ZNF765: variants seen among roughly 807,000 people sequenced by gnomAD.
ZNF765 encodes the protein zinc finger protein 765.
ZNF765 carries 37 observed loss-of-function variants against 44.7 expected under a neutral mutation model. The observed-to-expected ratio is 0.83, with a 90% CI of 0.64 to 1.09. The LOEUF is 1.09. Among genes scored for constraint, ZNF765 ranks in the 50% least tolerant of loss-of-function variants. ZNF765 has a pLI of 0.00. For missense variants in ZNF765, 594 were observed against 626.1 expected, an observed-to-expected ratio of 0.95 and a Z score of 0.55; for synonymous variants, 201 against 213.7, an observed-to-expected ratio of 0.94 and a Z score of 0.52.
At position 53,395,186 on chromosome 19, in the gene ZNF765, C is replaced by T. The variant is rs1400351109; in HGVS notation, c.-81C>T. On this transcript the variant is annotated 5_prime_UTR_variant, in exon 1 of 4. Coordinates refer to ENST00000396408, the MANE Select transcript of ZNF765 (RefSeq NM_001040185.3). ...GGACGGCGTGGAGTGACTATCCCAC[C>T]GCCGCGGGTGAGTTTCGCTCTGTTT... 3 of 152,406 alleles carry T rather than the reference C, an allele frequency of 2.0e-5. No homozygotes were observed. Among genetic ancestry groups the T allele is most frequent in the African/African-American group, 7.2e-5 (3 of 41,474 alleles). 9.4% of individuals were successfully genotyped at this position (152,406 alleles called of 1,614,324 possible). A position where few individuals can be genotyped will look rare whatever the true frequency, so the allele number is the denominator to read the frequency against.
chr19:53,406,787 T>C (rs1457571075), intron 3 of ZNF765, among the ~76,000 whole-genome samples: 5 of 152,100 alleles, frequency 3.3e-5, no homozygotes, highest in Admixed American at 2.0e-4. Context: ...TGGTAGTGTG[T>C]GCGTGTAATC....
At chr19:53,398,878 T>C (rs1314916177) in intron 2 of ZNF765, among the ~76,000 whole-genome samples, 1 of 151,832 alleles carries the variant, frequency 6.6e-6, no homozygotes, top group Non-Finnish European at 1.5e-5. Context: ...GCCTCCCGAG[T>C]AGCTGGGATT....
At position 53,407,747 on chromosome 19, in the gene ZNF765, C is replaced by G; in HGVS notation, c.192C>G (p.Gly64=). Residue 64 remains glycine, a synonymous_variant, in exon 4 of 4, where the codon GGC becomes GGG. Transcript: ENST00000396408. ...AGGAGTTCTCGTCAACAGCACAAGGCAATAGAGAAGTGTTCCATGCAGGGA... is the reference window on the plus strand; with the variant it reads ...AGGAGTTCTCGTCAACAGCACAAGGGAATAGAGAAGTGTTCCATGCAGGGA... ...MMKEFSSTAQ[G]NREVFHAGTS... 1.3e-6 allele frequency: 2 copies of G among 1,593,006 alleles called. No individual in the cohort carries two copies. The highest frequency in any genetic ancestry group is 8.5e-7 in the Non-Finnish European group (1 of 1,170,846).
chr19:53,413,062 A>G (rs1431021303), downstream of ZNF765: 2 of 336,944 alleles, frequency 5.9e-6, no homozygotes, highest in Non-Finnish European at 5.7e-6. Context: ...GTGAGCCGAG[A>G]TGGCGCCATT....
At chr19:53,417,600 G>A (rs535449973) in intron 3 of ZNF765, among the ~76,000 whole-genome samples, 15 of 152,098 alleles carry the variant, frequency 9.9e-5, no homozygotes, top group Non-Finnish European at 1.8e-4. Flanking sequence ...ACGTGCATGC[G>A]TCTTTACAAT....
intron 2 of ZNF765, among the ~76,000 whole-genome samples, chr19:53,400,230 C>G (rs2085710073): frequency 6.6e-6 from 1 of 152,160 alleles, no homozygotes; most frequent in South Asian, 2.1e-4. Flanking sequence ...TTTGATCCTG[C>G]TGGTTGTGAA....
chr19:53,412,766 G>A (rs1035978436), downstream of ZNF765, among the ~76,000 whole-genome samples: 7 of 151,934 alleles, frequency 4.6e-5, no homozygotes, highest in African/African-American at 9.7e-5. Context: ...TGATCCACCC[G>A]CCTCGGCCTC....
At chr19:53,421,262 A>G (rs990603022) in intron 3 of ZNF765, among the ~76,000 whole-genome samples, 40 of 151,898 alleles carry the variant, frequency 2.6e-4, no homozygotes, top group Admixed American at 2.3e-3. Flanking sequence ...CTATTACCCT[A>G]TTGTCCCGCC....
chr19:53,395,764 T>C (rs1050374072), intron 1 of ZNF765, among the ~76,000 whole-genome samples: 1 of 152,326 alleles, frequency 6.6e-6, no homozygotes, highest in Admixed American at 6.5e-5. Flanking sequence ...CGGGGTGTTC[T>C]TGCCTGCCCA....
chr19:53,409,160 C>A lies in ZNF765; in HGVS notation c.*33C>A. On this transcript the variant is annotated 3_prime_UTR_variant, in exon 4 of 4. Coordinates refer to ENST00000396408, the MANE Select transcript of ZNF765 (RefSeq NM_001040185.3). ...GGTAAGACCTTCAATCAGGAGTTAA[C>A]CCTTACATGCCATCGTAGGCTTCAT... 2 of 1,520,892 alleles carry A rather than the reference C, an allele frequency of 1.3e-6. No homozygotes were observed. Among genetic ancestry groups the A allele is most frequent in the South Asian group, 1.1e-5 (1 of 88,820 alleles). The allele number at this position is 1,520,892 out of a possible 1,614,324, so 94.2% of individuals were successfully genotyped here. A position where few individuals can be genotyped will look rare whatever the true frequency, so the allele number is the denominator to read the frequency against.
chr19:53,410,095 T>A lies in ZNF765; in HGVS notation c.*968T>A. 1 of 450,102 alleles carries A rather than the reference T, an allele frequency of 2.2e-6. No homozygotes were observed. The highest frequency in any genetic ancestry group is 6.7e-5 in the East Asian group (1 of 14,834). The allele number at this position is 450,102 out of a possible 1,614,324, so 27.9% of individuals were successfully genotyped here. A position where few individuals can be genotyped will look rare whatever the true frequency, so the allele number is the denominator to read the frequency against. ...GAAGTCGTATTAGAAACCTTACAAA[T>A]GTGAAGAATGTGATGAAGCTTTCAG... On this transcript the variant is annotated 3_prime_UTR_variant, in exon 4 of 4. Transcript: ENST00000396408.
At chr19:53,414,501 C>T (rs754699355), downstream of ZNF765, among the ~76,000 whole-genome samples, 94 of 34,084 alleles carry the variant, frequency 2.8e-3, 30 homozygotes, top group Non-Finnish European at 7.8e-3. Context: ...CCCCCCCCCC[C>T]CCCCCCCCGG....
chr19:53,422,448 A>G (rs555725942), intron 3 of ZNF765, among the ~76,000 whole-genome samples: 1 of 152,354 alleles, frequency 6.6e-6, no homozygotes, highest in South Asian at 2.1e-4. Context: ...CACAGCAAAG[A>G]GCAATTCATT....
At chr19:53,418,582 G>C (rs908754867) in intron 3 of ZNF765, among the ~76,000 whole-genome samples, 3 of 152,046 alleles carry the variant, frequency 2.0e-5, no homozygotes, top group African/African-American at 7.2e-5. Flanking sequence ...GTAGAGTATG[G>C]AATAGAAGGA....
rs1281481017 is a variant in ZNF765, at chr19:53,411,024, A to G, written c.*1897A>G. 1 of 328,176 alleles carries G rather than the reference A, an allele frequency of 3.0e-6. No homozygotes were observed. 20.3% of individuals were successfully genotyped at this position (328,176 alleles called of 1,614,324 possible). A position where few individuals can be genotyped will look rare whatever the true frequency, so the allele number is the denominator to read the frequency against. ...TAGTTGTTCCAAATACAATGTGTAT[A>G]GCAAACCATCAAGCATTAATTGACA... is the stretch of plus-strand genomic sequence containing the variant. On this transcript the variant is annotated 3_prime_UTR_variant, in exon 4 of 4. Coordinates refer to ENST00000396408, the MANE Select transcript of ZNF765 (RefSeq NM_001040185.3).
exon 4 of ZNF765, chr19:53,426,724 C>T (rs2085941933): frequency 8.1e-6 from 1 of 122,780 alleles, no homozygotes; most frequent in Non-Finnish European, 1.7e-5. Context: ...TTTATGAGAT[C>T]AAACTAATGC....
rs2085815199 is a variant in ZNF765 at position 53,409,684 on chromosome 19, C to T, written c.*557C>T. 9.3e-7 allele frequency: 1 copy of T among 1,080,980 alleles called. No individual in the cohort carries two copies. The highest frequency in any genetic ancestry group is 1.6e-5 in the African/African-American group (1 of 63,978). The allele number at this position is 1,080,980 out of a possible 1,614,324, so 67.0% of individuals were successfully genotyped here. A position where few individuals can be genotyped will look rare whatever the true frequency, so the allele number is the denominator to read the frequency against. The stretch of plus-strand genomic sequence containing the variant: ...CTTACACGCCATCGTAGACTTCATA[C>T]TGGAGGATACCTTACAAATGTAATG... On this transcript the variant is annotated 3_prime_UTR_variant, in exon 4 of 4. Coordinates refer to ENST00000396408, the MANE Select transcript of ZNF765 (RefSeq NM_001040185.3).
At chr19:53,419,487 T>G (rs1298650716) in intron 3 of ZNF765, among the ~76,000 whole-genome samples, 1 of 152,174 alleles carries the variant, frequency 6.6e-6, no homozygotes, top group African/African-American at 2.4e-5. Context: ...GAAGGCAACA[T>G]TTAGGGAACA....
chr19:53,402,089 G>T lies in ZNF765; in HGVS notation c.40G>T (p.Ala14Ser). 2 of 1,613,926 alleles carry T rather than the reference G, an allele frequency of 1.2e-6. No homozygotes were observed. The highest frequency in any genetic ancestry group is 1.7e-6 in the Non-Finnish European group (2 of 1,179,934). ...PQGLLTFRDV[A>S]IEFSQEEWKC... ...GGGTCTATTGACATTCAGGGATGTG[G>T]CCATAGAATTCTCTCAGGAGGAGTG... The change falls in exon 3 of 4, where the codon GCC (alanine) becomes TCC (serine). Residue 14 changes from alanine to serine, a missense_variant. Ala to Ser is a moderately conservative substitution (Grantham distance 99). Coordinates refer to ENST00000396408, the MANE Select transcript of ZNF765 (RefSeq NM_001040185.3).
Sources: gnomAD v4.1 joint callset for allele counts (sites outside exome capture counted in the v4.1 genomes callset) on GRCh38, gnomAD v4.1.1 for gene constraint, MANE v1.5 for transcripts, NCBI Gene and HGNC (gene_info 2026-07-23, HGNC 2026-07-21) for gene names.